RGS12: variants seen among roughly 807,000 people sequenced by gnomAD.
RGS12 encodes regulator of G-protein signaling 12.
A neutral mutation model predicts 120.1 loss-of-function variants in RGS12; 66 were observed. The observed-to-expected ratio is 0.55, with a 90% CI of 0.45 to 0.67. RGS12 has a LOEUF of 0.67. RGS12 is among the 30% of genes least tolerant of loss of function. RGS12 has a pLI of 0.00. For missense variants in RGS12, 1,859 were observed against 1,957.7 expected (o/e 0.95, Z 0.95); for synonymous variants, 827 against 804.7 (o/e 1.03, Z -0.47).
In RGS12 at chr4:3,372,369, C is replaced by T. The variant is rs1274008616; in HGVS notation, c.1999-14047C>T. On this transcript the variant is annotated intron_variant, in intron 3 of 17. Transcript: ENST00000336727. The surrounding 1 kb of genome is among the most constrained non-coding windows in gnomAD (Gnocchi z 4.3). ...GGTGGGACTTTCCGGGGCAGTTCCA[C>T]CTCTCCTGTGAGTTGTGGGAACAAG... Among the ~76,000 whole-genome samples the T allele has an allele frequency of 1.3e-5, 2 of 152,228 alleles. No individual in the cohort carries two copies. Among genetic ancestry groups the T allele is most frequent in the East Asian group, 3.9e-4 (2 of 5,188 alleles).
In RGS12 at chr4:3,420,432, A is replaced by G; in HGVS notation, c.2762-210A>G. On this transcript the variant is annotated intron_variant, in intron 9 of 17. Coordinates refer to ENST00000336727, the MANE Select transcript of RGS12 (RefSeq NM_001394154.1). ...AGCATCTCTGCTGCATGGTGGGTAGAGCCTTGTTGGTCCCTGACTGGCTTC... is the reference window on the plus strand; with the variant it reads ...AGCATCTCTGCTGCATGGTGGGTAGGGCCTTGTTGGTCCCTGACTGGCTTC... The G allele has an allele frequency of 4.8e-6, 3 of 619,076 alleles. No individual in the cohort carries two copies. The South Asian group carries it at 5.5e-5, about 11-fold the overall frequency. The allele number at this position is 619,076 out of a possible 1,614,324, so 38.3% of individuals were successfully genotyped here.
chr4:3,313,569 C>A (rs1255622985), intron 1 of RGS12, among the ~76,000 whole-genome samples: 1 of 152,214 alleles, frequency 6.6e-6, no homozygotes, highest in Non-Finnish European at 1.5e-5. Flanking sequence ...CACATTCATT[C>A]TCCTGCGTTT....
At position 3,329,502 on chromosome 4, in the gene RGS12, C is replaced by T. The variant is rs954657526; in HGVS notation, c.1881+11451C>T. ...AGAAGGAGATGAGCACAGGACCAAA[C>T]CAAGTGACACCTGAGAGGCTGGTGG... On this transcript the variant is annotated intron_variant, in intron 2 of 17. Coordinates refer to ENST00000336727, the MANE Select transcript of RGS12 (RefSeq NM_001394154.1). Among the ~76,000 whole-genome samples the T allele has an allele frequency of 4.6e-5, 7 of 152,184 alleles. No homozygotes were observed. The East Asian group carries it at 9.7e-4, about 21-fold the overall frequency.
chr4:3,367,972 G>A (rs747760093), intron 3 of RGS12, among the ~76,000 whole-genome samples: 3 of 152,218 alleles, frequency 2.0e-5, no homozygotes, highest in African/African-American at 4.8e-5. Flanking sequence ...TTCCGTCCTC[G>A]ATGGAACACA....
chr4:3,323,381 C>T (rs1725332986), intron 2 of RGS12, among the ~76,000 whole-genome samples: 1 of 152,270 alleles, frequency 6.6e-6, no homozygotes. Context: ...GCTGCTGCCT[C>T]TGCCCCGCTC....
At chr4:3,415,137 CGT>C (rs1176088152) in intron 6 of RGS12, among the ~76,000 whole-genome samples, 1 of 72,268 alleles carries the variant, frequency 1.4e-5, no homozygotes, top group Non-Finnish European at 2.7e-5. Context: ...GTGTGAGGGG[CGT>C]GTGTGAGAGG....
chr4:3,369,848 C>T, intron 3 of RGS12: 2 of 206,322 alleles, frequency 9.7e-6, no homozygotes, highest in Non-Finnish European at 8.7e-6. Context: ...CCGCTGGCTG[C>T]CACCCAGTAA....
At chr4:3,418,970 C>T (rs1467281678) in intron 9 of RGS12, 1 of 136,796 alleles carries the variant, frequency 7.3e-6, no homozygotes, top group Non-Finnish European at 1.5e-5. Context: ...TGCCTGAGCT[C>T]AGGAGTTGGT....
At chr4:3,416,499 C>T (rs1347411981) in intron 7 of RGS12, among the ~76,000 whole-genome samples, 5 of 152,278 alleles carry the variant, frequency 3.3e-5, no homozygotes, top group Admixed American at 2.6e-4. Context: ...CCAGGCTATT[C>T]GAGACGTGCC....
intron 17 of RGS12, among the ~76,000 whole-genome samples, chr4:3,438,381 G>A (rs1577117128): frequency 6.6e-6 from 1 of 151,628 alleles, no homozygotes; most frequent in East Asian, 1.9e-4. Flanking sequence ...GGGGGGTGGG[G>A]TCACTGGGCG....
intron 3 of RGS12, among the ~76,000 whole-genome samples, chr4:3,353,242 A>C (rs944850540): frequency 6.6e-6 from 1 of 152,186 alleles, no homozygotes; most frequent in African/African-American, 2.4e-5. Context: ...ACAAACGTAC[A>C]CTACTGCCTA....
intron 3 of RGS12, among the ~76,000 whole-genome samples, chr4:3,359,641 G>A (rs1372052627): frequency 3.1e-5 from 2 of 64,376 alleles, no homozygotes; most frequent in African/African-American, 1.2e-4. Flanking sequence ...TTTTTTTTTT[G>A]AGGCAGTGTC....
chr4:3,384,477 C>A (rs920483306), intron 3 of RGS12, among the ~76,000 whole-genome samples: 5 of 152,168 alleles, frequency 3.3e-5, no homozygotes, highest in Non-Finnish European at 7.3e-5. Flanking sequence ...ATTTAGATTG[C>A]GACATGATTG....
rs913779940 is a variant in RGS12 at position 3,316,469 on chromosome 4, G to C, written c.299G>C (p.Gly100Ala). The change falls in exon 2 of 18, where the codon GGC becomes GCC. Residue 100 changes from glycine to alanine, a missense_variant. By Grantham distance (60) the Gly-to-Ala change is moderately conservative. This residue lies in a region of RGS12 where 967 missense variants were observed against 994.2 expected (regional missense o/e 0.97). Coordinates refer to ENST00000336727, the MANE Select transcript of RGS12 (RefSeq NM_001394154.1). ...CACATGGTGATTGCTGAAGGCGTCGGCCGCTTCGAATCCTGTTCCAGTGAT... is the reference window on the plus strand; with the variant it reads ...CACATGGTGATTGCTGAAGGCGTCGCCCGCTTCGAATCCTGTTCCAGTGAT... ...VLHMVIAEGV[G>A]RFESCSSDEE... 2 of 1,614,064 alleles carry C rather than the reference G, an allele frequency of 1.2e-6. No homozygotes were observed. Among genetic ancestry groups the C allele is most frequent in the African/African-American group, 2.7e-5 (2 of 74,946 alleles).
At chr4:3,384,241 ACCT>A (rs993559006) in intron 3 of RGS12, among the ~76,000 whole-genome samples, 26 of 151,396 alleles carry the variant, frequency 1.7e-4, no homozygotes, top group African/African-American at 6.1e-4. Context: ...TGCAACCTCT[ACCT>A]CCCGGGTTCA....
chr4:3,377,451 G>A (rs1456686208), intron 3 of RGS12, among the ~76,000 whole-genome samples: 1 of 152,016 alleles, frequency 6.6e-6, no homozygotes, highest in African/African-American at 2.4e-5. Context: ...CACCTTGCAG[G>A]CCTTTGGTCC....
At chr4:3,411,574 C>T (rs535131231) in intron 4 of RGS12, among the ~76,000 whole-genome samples, 71 of 152,326 alleles carry the variant, frequency 4.7e-4, no homozygotes, top group Admixed American at 1.5e-3. Flanking sequence ...CAAGTATCGG[C>T]GTGATATGTC....
chr4:3,331,436 A>T (rs1289591200), intron 2 of RGS12, among the ~76,000 whole-genome samples: 1 of 152,196 alleles, frequency 6.6e-6, no homozygotes, highest in Non-Finnish European at 1.5e-5. Context: ...AAAATTATTT[A>T]AAAAATTATT....
intron 2 of RGS12, among the ~76,000 whole-genome samples, chr4:3,318,626 C>G (rs1336979918): frequency 6.6e-6 from 1 of 152,242 alleles, no homozygotes; most frequent in Non-Finnish European, 1.5e-5. Context: ...TGTAGTGCTG[C>G]CTTGAAGACC....
Sources: allele counts gnomAD v4.1 joint callset (sites outside exome capture counted in the v4.1 genomes callset), GRCh38; gene constraint gnomAD v4.1.1; regional missense constraint gnomAD v4.1.1; non-coding constraint Gnocchi (gnomAD v3.1); transcripts MANE v1.5; gene names NCBI Gene and HGNC (gene_info 2026-07-23, HGNC 2026-07-21).